Variants in PROS1 observed in about 807,000 individuals in gnomAD.
The protein encoded by PROS1 is vitamin K-dependent protein S.
A neutral mutation model predicts 75.9 loss-of-function variants in PROS1; 29 were observed. The ratio of observed to expected loss-of-function variants is 0.38; its 90% CI spans 0.28 to 0.52. The LOEUF (loss-of-function observed/expected upper bound fraction) is 0.52, where lower values mean the gene tolerates loss of function less well. Among genes scored for constraint, PROS1 ranks in the 20% least tolerant of loss-of-function variants. The pLI is 0.83. For synonymous variants in PROS1, 245 were observed against 280.6 expected (o/e 0.87, Z 1.27); for missense variants, 680 against 810.3 (o/e 0.84, Z 1.95).
intron 1 of PROS1, among the ~76,000 whole-genome samples, chr3:93,944,188 C>T (rs376697079): frequency 6.6e-6 from 1 of 152,014 alleles, no homozygotes; most frequent in Non-Finnish European, 1.5e-5. Flanking sequence ...TAACACGAAA[C>T]CAGATAAATA....
At chr3:93,897,090 G>A (rs1041485477) in intron 8 of PROS1, among the ~76,000 whole-genome samples, 8 of 152,060 alleles carry the variant, frequency 5.3e-5, no homozygotes, top group Admixed American at 5.2e-4. Flanking sequence ...AGAAATAGGT[G>A]TAAGAATTAA....
At chr3:93,957,045 T>C (rs986997019) in intron 1 of PROS1, among the ~76,000 whole-genome samples, 12 of 152,154 alleles carry the variant, frequency 7.9e-5, no homozygotes, top group Non-Finnish European at 1.0e-4. Context: ...ATGAATATGT[T>C]CATTACAATA....
rs545439917 is a variant in PROS1, at chr3:93,878,822, C to T, written c.1644+341G>A. ...TGTTGACAGTACAGACTAATTCCCA[C>T]AACACATAAAGTATTCTTAATAAGG... On this transcript the variant is annotated intron_variant, in intron 13 of 14. Transcript: ENST00000394236. Among the ~76,000 whole-genome samples the T allele has an allele frequency of 3.9e-5, 6 of 152,048 alleles. No individual in the cohort carries two copies. In the East Asian group the frequency reaches 9.7e-4, roughly 25 times the overall value.
At chr3:93,945,117 A>G (rs1215007603) in intron 1 of PROS1, among the ~76,000 whole-genome samples, 4 of 152,100 alleles carry the variant, frequency 2.6e-5, no homozygotes, top group African/African-American at 9.7e-5. Context: ...AAGAAGTTGA[A>G]TCTCTGAATA....
At chr3:93,930,279 T>C (rs931812498) in intron 1 of PROS1, among the ~76,000 whole-genome samples, 1 of 152,214 alleles carries the variant, frequency 6.6e-6, no homozygotes, top group African/African-American at 2.4e-5. Flanking sequence ...GACAGTCCTG[T>C]CAACAGTGAA....
intron 8 of PROS1, among the ~76,000 whole-genome samples, chr3:93,897,655 T>C (rs1325919359): frequency 6.6e-6 from 1 of 152,054 alleles, no homozygotes; most frequent in Non-Finnish European, 1.5e-5. Flanking sequence ...TACAGCTTTG[T>C]TTTGGCAACA....
chr3:93,939,268 T>C lies in PROS1; in HGVS notation c.77-11861A>G, dbSNP rs575119451. On this transcript the variant is annotated intron_variant, in intron 1 of 14. Transcript: ENST00000394236. ...GGTGCCTGACGTCCAGGCATTCTTT[T>C]ACACATCAGTCCCTCCCTAGTCTCT... Among the ~76,000 whole-genome samples, 11 of 152,280 alleles carry C rather than the reference T, an allele frequency of 7.2e-5. No homozygotes were observed. In the East Asian group the frequency reaches 1.9e-3, roughly 27 times the overall value.
chr3:93,913,089 T>C (rs1331139585), intron 3 of PROS1, among the ~76,000 whole-genome samples: 1 of 152,202 alleles, frequency 6.6e-6, no homozygotes, highest in Non-Finnish European at 1.5e-5. Flanking sequence ...GTGGAGGTAA[T>C]TGAATCAGGG....
rs768639397 is a variant in PROS1, at chr3:93,906,125, C to T, written c.365G>A (p.Ser122Asn). The change falls in exon 5 of 15, where the codon AGT (serine) becomes AAT (asparagine). Residue 122 changes from serine to asparagine, a missense_variant. Transcript: ENST00000394236. ...SCVNAIPDQC[S>N]PLPCNEDGYM... Reference sequence around the variant, plus strand: ...TCCATCTTCATTGCATGGCAGAGGACTACACTGGTCTGGAATGGCTGAAGG... The same window carrying T: ...TCCATCTTCATTGCATGGCAGAGGATTACACTGGTCTGGAATGGCTGAAGG... 6.2e-7 allele frequency: 1 copy of T among 1,613,612 alleles called. No individual in the cohort carries two copies. Among genetic ancestry groups the T allele is most frequent in the South Asian group, 1.1e-5 (1 of 91,006 alleles).
chr3:93,949,162 A>G (rs1709452886), intron 1 of PROS1, among the ~76,000 whole-genome samples: 1 of 152,186 alleles, frequency 6.6e-6, no homozygotes, highest in African/African-American at 2.4e-5. Context: ...GCCAGGACCA[A>G]GAATCATTCT....
chr3:93,953,300 C>T (rs1709537200), intron 1 of PROS1, among the ~76,000 whole-genome samples: 1 of 152,172 alleles, frequency 6.6e-6, no homozygotes, highest in African/African-American at 2.4e-5. Flanking sequence ...AGACCAATAT[C>T]CCTGATGAAC....
chr3:93,963,599 T>C (rs2107263954), intron 1 of PROS1, among the ~76,000 whole-genome samples: 1 of 152,300 alleles, frequency 6.6e-6, no homozygotes, highest in East Asian at 1.9e-4. Flanking sequence ...AGAAGCATGG[T>C]GCCAGCATCT....
At chr3:93,879,383 AAC>A (rs753516632) in intron 12 of PROS1, 69 bp from the exon 13 acceptor site, 10 of 1,533,480 alleles carry the variant, frequency 6.5e-6, no homozygotes, top group Non-Finnish European at 9.0e-6. Context: ...AATTATTATT[AAC>A]ACAGTCCAGG....
intron 3 of PROS1, chr3:93,911,271 T>C (rs1472046844): frequency 6.5e-6 from 1 of 153,134 alleles, no homozygotes; most frequent in Non-Finnish European, 1.5e-5. Context: ...AGCAACCTGG[T>C]AGATATTGCT....
chr3:93,925,066 G>A (rs1327671134), intron 2 of PROS1, among the ~76,000 whole-genome samples: 3 of 152,158 alleles, frequency 2.0e-5, no homozygotes, highest in East Asian at 1.9e-4. Flanking sequence ...TGTACCAAAA[G>A]TTTGTCTGTA....
At chr3:93,914,103 G>A (rs1222287444) in intron 3 of PROS1, among the ~76,000 whole-genome samples, 1 of 152,250 alleles carries the variant, frequency 6.6e-6, no homozygotes, top group Non-Finnish European at 1.5e-5. Context: ...AGGCCATGCT[G>A]CGGCTCTCAC....
chr3:93,972,263 T>C (rs375245177), intron 1 of PROS1, among the ~76,000 whole-genome samples: 1 of 152,230 alleles, frequency 6.6e-6, no homozygotes, highest in South Asian at 2.1e-4. Flanking sequence ...TAGTTACAAA[T>C]TGGCTGAATG....
At position 93,876,947 on chromosome 3, in the gene PROS1, A is replaced by C. The variant is rs770405379; in HGVS notation, c.1870+19T>G. 1.3e-6 allele frequency: 2 copies of C among 1,493,314 alleles called. No homozygotes were observed. Among genetic ancestry groups the C allele is most frequent in the South Asian group, 2.3e-5 (2 of 86,886 alleles). 92.5% of individuals were successfully genotyped at this position (1,493,314 alleles called of 1,614,324 possible). ...ATTAAAATATACTTTTTAAAACTGA[A>C]GAAAAAGTAAGCAGATACCTGGAAG... On this transcript the variant is annotated intron_variant, in intron 14 of 14. Coordinates refer to ENST00000394236, the MANE Select transcript of PROS1 (RefSeq NM_000313.4).
At chr3:93,878,864 T>A (rs1421651140) in intron 13 of PROS1, among the ~76,000 whole-genome samples, 2 of 152,068 alleles carry the variant, frequency 1.3e-5, no homozygotes, top group Non-Finnish European at 2.9e-5. Context: ...CTCTATGTAC[T>A]CGGATGGCTC....
Sources: allele counts gnomAD v4.1 joint callset (sites outside exome capture counted in the v4.1 genomes callset), GRCh38; gene constraint gnomAD v4.1.1; transcripts MANE v1.5; gene names NCBI Gene and HGNC (gene_info 2026-07-23, HGNC 2026-07-21).